AKR1C4: variants seen among roughly 807,000 people sequenced by gnomAD.
AKR1C4 encodes the protein aldo-keto reductase family 1 member C4.
A neutral mutation model predicts 41.0 loss-of-function variants in AKR1C4; 44 were observed. The ratio of observed to expected loss-of-function variants is 1.07; its 90% confidence interval spans 0.84 to 1.38. The LOEUF (loss-of-function observed/expected upper bound fraction) is 1.38, where lower values mean the gene tolerates loss of function less well. Ranked by LOEUF, AKR1C4 falls within the 40% of genes most tolerant of loss-of-function variation. AKR1C4 has a pLI of 0.00. For synonymous variants in AKR1C4, 165 were observed against 137.7 expected, an observed-to-expected ratio of 1.20 and a Z score of -1.39; for missense variants, 438 against 387.9, an observed-to-expected ratio of 1.13 and a Z score of -1.09.
chr10:5,218,011 A>C (rs953105434), intron 8 of AKR1C4, among the ~76,000 whole-genome samples: 1 of 152,170 alleles, frequency 6.6e-6, no homozygotes, highest in Non-Finnish European at 1.5e-5. Flanking sequence ...ATTTTTAGAT[A>C]TCTTTATTAG....
At position 5,200,357 on chromosome 10, in the gene AKR1C4, C is replaced by G; in HGVS notation, c.252+9C>G. On this transcript the variant is annotated intron_variant, in intron 2 of 8. Transcript: ENST00000263126. ...TATTCTACACTTCAAAGGTACTGTG[C>G]CTATGATGAGCATGTATGCACATGT... The G allele has an allele frequency of 6.2e-7, 1 of 1,609,486 alleles. No homozygotes were observed. Among genetic ancestry groups the G allele is most frequent in the Non-Finnish European group, 8.5e-7 (1 of 1,177,744 alleles).
rs966374685 is a variant in AKR1C4, at chr10:5,205,792, A to G, written c.405A>G (p.Gly135=). 2 of 1,613,614 alleles carry G rather than the reference A, an allele frequency of 1.2e-6. No individual in the cohort carries two copies. The highest frequency in any genetic ancestry group is 1.7e-6 in the Non-Finnish European group (2 of 1,179,654). ...CGCCACTACCAAAAGATGAAAATGG[A>G]AAAGTAATATTCGACACAGTGGATC... The part of the protein sequence containing the change: ...GETPLPKDEN[G]KVIFDTVDLS... The change falls in exon 4 of 9, where the codon GGA becomes GGG. Residue 135 remains glycine, a synonymous_variant. Transcript: ENST00000263126.
chr10:5,202,926 C>T (rs1832421826), intron 2 of AKR1C4, among the ~76,000 whole-genome samples: 1 of 122,764 alleles, frequency 8.1e-6, no homozygotes, highest in African/African-American at 3.2e-5. Flanking sequence ...GGAGATTGGT[C>T]TATAGTTTTC....
At chr10:5,212,963 A>C (rs1369731493) in intron 6 of AKR1C4, 31 bp from the exon 7 acceptor site, 3 of 1,610,566 alleles carry the variant, frequency 1.9e-6, no homozygotes, top group African/African-American at 2.7e-5. Context: ...ATCCAGCCTC[A>C]AGACTTCAGC....
intron 2 of AKR1C4, among the ~76,000 whole-genome samples, chr10:5,203,248 C>T (rs1380204364): frequency 6.6e-6 from 1 of 152,078 alleles, no homozygotes; most frequent in East Asian, 1.9e-4. Context: ...CTCATTCCCA[C>T]TTGAGATAAT....
chr10:5,209,789 C>G (rs782426650), intron 5 of AKR1C4, among the ~76,000 whole-genome samples: 1 of 152,170 alleles, frequency 6.6e-6, no homozygotes, highest in Non-Finnish European at 1.5e-5. Flanking sequence ...CCCACCAGGT[C>G]CCTCCCACAA....
chr10:5,203,514 G>T (rs1832434573), intron 2 of AKR1C4, among the ~76,000 whole-genome samples: 1 of 152,166 alleles, frequency 6.6e-6, no homozygotes, highest in Non-Finnish European at 1.5e-5. Flanking sequence ...TGAATTCTCA[G>T]ATTCCCTGGT....
At chr10:5,214,541 G>A (rs2132139680) in intron 7 of AKR1C4, among the ~76,000 whole-genome samples, 1 of 152,246 alleles carries the variant, frequency 6.6e-6, no homozygotes, top group African/African-American at 2.4e-5. Context: ...TACGACCATA[G>A]ACCATATGAA....
chr10:5,214,117 GTAATT>G (rs1832619264), intron 7 of AKR1C4, among the ~76,000 whole-genome samples: 1 of 151,878 alleles, frequency 6.6e-6, no homozygotes, highest in African/African-American at 2.4e-5. Context: ...AACTGGGATA[GTAATT>G]TGATTTTTAA....
intron 7 of AKR1C4, among the ~76,000 whole-genome samples, chr10:5,214,383 T>C (rs1257306576): frequency 6.6e-6 from 1 of 151,986 alleles, no homozygotes; most frequent in Non-Finnish European, 1.5e-5. Flanking sequence ...TCTTATATAA[T>C]AATGGCTTGG....
intron 5 of AKR1C4, among the ~76,000 whole-genome samples, chr10:5,211,947 G>T (rs1313063518): frequency 1.3e-5 from 2 of 152,154 alleles, no homozygotes; most frequent in Non-Finnish European, 2.9e-5. Flanking sequence ...TAGATCTTGA[G>T]AGACTTATTC....
At chr10:5,216,843 T>C (rs781991900) in intron 8 of AKR1C4, 50 bp downstream of exon 8, 1 of 1,359,026 alleles carries the variant, frequency 7.4e-7, no homozygotes, top group Non-Finnish European at 1.0e-6. Context: ...AGAGGAGGAA[T>C]GTCAGATGGG....
chr10:5,206,079 A>AT (rs1832480133), intron 4 of AKR1C4, among the ~76,000 whole-genome samples, 196 bp from the exon 5 acceptor site: 1 of 152,208 alleles, frequency 6.6e-6, no homozygotes, highest in Non-Finnish European at 1.5e-5. Flanking sequence ...TTATCTCTCC[A>AT]GCTTCCTAAA....
intron 2 of AKR1C4, among the ~76,000 whole-genome samples, 191 bp downstream of exon 2, chr10:5,200,539 C>G (rs1446897912): frequency 6.6e-6 from 1 of 152,194 alleles, no homozygotes; most frequent in African/African-American, 2.4e-5. Flanking sequence ...TTGTTGTGTT[C>G]AAATTTACTA....
At chr10:5,203,723 C>T (rs1340126462) in intron 2 of AKR1C4, among the ~76,000 whole-genome samples, 1 of 152,182 alleles carries the variant, frequency 6.6e-6, no homozygotes, top group Non-Finnish European at 1.5e-5. Context: ...TTCTGTCTTT[C>T]CAAGTGGGAG....
chr10:5,198,423 C>T (rs1832344792), intron 1 of AKR1C4, among the ~76,000 whole-genome samples: 1 of 152,166 alleles, frequency 6.6e-6, no homozygotes, highest in African/African-American at 2.4e-5. Flanking sequence ...ACTGGTTGTA[C>T]AAAGTGTGGG....
chr10:5,205,714 G>A (rs1554797401), intron 3 of AKR1C4, 43 bp from the exon 4 acceptor site: 2 of 1,573,076 alleles, frequency 1.3e-6, no homozygotes, highest in Non-Finnish European at 8.7e-7. Flanking sequence ...CCTATGGGTG[G>A]AAAAGTTAAA....
chr10:5,206,266 T>C lies in AKR1C4; in HGVS notation c.448-9T>C. On this transcript the variant is annotated splice_polypyrimidine_tract_variant and intron_variant, in intron 4 of 8. Transcript: ENST00000263126. ...CACAAATAATTCCTCACAACCCCTT[T>C]CTCCCCAGGTCATGGAGAAGTGTAA... 1 of 1,613,960 alleles carries C rather than the reference T, an allele frequency of 6.2e-7. No individual in the cohort carries two copies. Among genetic ancestry groups the C allele is most frequent in the South Asian group, 1.1e-5 (1 of 91,056 alleles).
intron 5 of AKR1C4, among the ~76,000 whole-genome samples, chr10:5,211,814 G>C (rs1439591613): frequency 6.6e-6 from 1 of 152,168 alleles, no homozygotes; most frequent in Non-Finnish European, 1.5e-5. Context: ...TGGACTTACA[G>C]CTTCACATGG....
Sources: allele counts gnomAD v4.1 joint callset (sites outside exome capture counted in the v4.1 genomes callset), GRCh38; gene constraint gnomAD v4.1.1; transcripts MANE v1.5; gene names NCBI Gene and HGNC (gene_info 2026-07-23, HGNC 2026-07-21).